The following DERA variants were observed in gnomAD, a reference collection of about 807,000 sequenced individuals.
DERA encodes 2-deoxy-D-ribose 5-phosphate aldolase.
In DERA, 15 loss-of-function variants were observed where a neutral mutation model predicts 41.1. The ratio of observed to expected loss-of-function variants is 0.37; its 90% CI spans 0.24 to 0.56. DERA has a LOEUF of 0.56. Among genes scored for constraint, DERA ranks in the 20% least tolerant of loss-of-function variants. The probability of loss-of-function intolerance (pLI) is 0.81; values close to 1 mark genes in which losing one functional copy is unlikely to be tolerated. For missense variants in DERA, 396 were observed against 403.4 expected (o/e 0.98, Z 0.16); for synonymous variants, 139 against 137.4 (o/e 1.01, Z -0.08).
chr12:15,927,858 T>G (rs1948298955), intron 1 of DERA, among the ~76,000 whole-genome samples: 1 of 152,110 alleles, frequency 6.6e-6, no homozygotes, highest in South Asian at 2.1e-4. Flanking sequence ...TATAATGAGA[T>G]TACACGGATG....
At chr12:15,974,438 T>C (rs1948684305) in intron 5 of DERA, among the ~76,000 whole-genome samples, 1 of 152,098 alleles carries the variant, frequency 6.6e-6, no homozygotes, top group Non-Finnish European at 1.5e-5. Flanking sequence ...TATACCTCAG[T>C]TTGGGTTTGT....
In DERA at chr12:16,013,354, A is replaced by G. The variant is rs1948959116; in HGVS notation, c.638-19188A>G. 6.6e-6 allele frequency among the ~76,000 whole-genome samples: 1 copy of G among 152,148 alleles called. No homozygotes were observed. Among genetic ancestry groups the G allele is most frequent in the Non-Finnish European group, 1.5e-5 (1 of 68,034 alleles). ...GTTAAAGGTGAGACCAGGTGGAGGT[A>G]ATTGAATCATGAGGGCAGTTTCCCC... On this transcript the variant is annotated intron_variant, in intron 6 of 8. Transcript: ENST00000428559. The surrounding 1 kb of genome is among the most constrained non-coding windows in gnomAD (Gnocchi z 5.8).
intron 5 of DERA, among the ~76,000 whole-genome samples, chr12:15,969,265 A>G (rs911395733): frequency 6.6e-6 from 1 of 152,146 alleles, no homozygotes; most frequent in African/African-American, 2.4e-5. Flanking sequence ...AGAGGTGTTC[A>G]TTTTACTTTT....
chr12:15,916,500 G>T (rs1948200939), intron 1 of DERA, among the ~76,000 whole-genome samples: 1 of 148,542 alleles, frequency 6.7e-6, no homozygotes, highest in Non-Finnish European at 1.5e-5. Flanking sequence ...ACCCAGGCTG[G>T]AGTGCAGTGG....
At chr12:16,025,907 G>A (rs1168782516) in intron 6 of DERA, among the ~76,000 whole-genome samples, 1 of 152,082 alleles carries the variant, frequency 6.6e-6, no homozygotes, top group African/African-American at 2.4e-5. Flanking sequence ...TTAGCTGAAA[G>A]ATCCCCAAAT....
chr12:15,947,573 C>G (rs958912123), intron 1 of DERA, among the ~76,000 whole-genome samples: 2 of 152,298 alleles, frequency 1.3e-5, no homozygotes, highest in African/African-American at 2.4e-5. Flanking sequence ...AGATCTTCCT[C>G]CATCCCTTTA....
chr12:15,981,360 A>C lies in DERA; in HGVS notation c.509-948A>C, dbSNP rs543071163. ...AAGACTCCATCTCAAAAACCAAAAA[A>C]CAAAAAACAAAAAAACCTACTTCCT... On this transcript the variant is annotated intron_variant, in intron 5 of 8. Transcript: ENST00000428559. This position sits in a 1 kb window ranked among gnomAD's most constrained non-coding sequence, Gnocchi z 6.1. Among the ~76,000 whole-genome samples the C allele has an allele frequency of 5.4e-4, 82 of 152,224 alleles. 1 individual carries two copies. Among genetic ancestry groups the C allele is most frequent in the Non-Finnish European group, 9.6e-4 (65 of 68,014 alleles).
chr12:15,948,658 C>G (rs975746885), intron 1 of DERA, among the ~76,000 whole-genome samples: 3 of 152,162 alleles, frequency 2.0e-5, no homozygotes, highest in Non-Finnish European at 4.4e-5. Flanking sequence ...CCTCTTTTAG[C>G]TCGGAGTAGT....
At position 16,013,696 on chromosome 12, in the gene DERA, A is replaced by G. The variant is rs1470062796; in HGVS notation, c.638-18846A>G. On this transcript the variant is annotated intron_variant, in intron 6 of 8. Coordinates refer to ENST00000428559, the MANE Select transcript of DERA (RefSeq NM_015954.4). The surrounding 1 kb of genome is among the most constrained non-coding windows in gnomAD (Gnocchi z 5.8). Reference sequence around the variant, plus strand: ...AAGGATACCCGAAAATGCGGAAGCAACTTTGGAACTGGTTAACAGGAAGAG... The same window carrying G: ...AAGGATACCCGAAAATGCGGAAGCAGCTTTGGAACTGGTTAACAGGAAGAG... 1.3e-5 allele frequency among the ~76,000 whole-genome samples: 2 copies of G among 152,240 alleles called. No homozygotes were observed. The highest frequency in any genetic ancestry group is 4.8e-5 in the African/African-American group (2 of 41,458).
intron 1 of DERA, among the ~76,000 whole-genome samples, chr12:15,923,379 T>G (rs1948260023): frequency 6.6e-6 from 1 of 152,164 alleles, no homozygotes; most frequent in African/African-American, 2.4e-5. Flanking sequence ...GTTCTGAACT[T>G]CATTGAGTCT....
Position 16,026,211 on chromosome 12 carries a change from A to C in DERA, c.638-6331A>C, listed in dbSNP as rs1403887457. On this transcript the variant is annotated intron_variant, in intron 6 of 8. Transcript: ENST00000428559. This position sits in a 1 kb window ranked among gnomAD's most constrained non-coding sequence, Gnocchi z 4.4. The stretch of plus-strand genomic sequence containing the variant: ...AGAAATGATGAAATTGAAAACAAAA[A>C]CAACAGAGAAATTTTTTTTTTTAAA... Among the ~76,000 whole-genome samples the C allele has an allele frequency of 1.3e-5, 2 of 151,968 alleles. No homozygotes were observed. Among genetic ancestry groups the C allele is most frequent in the African/African-American group, 4.8e-5 (2 of 41,424 alleles).
At position 15,988,875 on chromosome 12, in the gene DERA, T is replaced by C. The variant is rs1424812430; in HGVS notation, c.637+6439T>C. On this transcript the variant is annotated intron_variant, in intron 6 of 8. Coordinates refer to ENST00000428559, the MANE Select transcript of DERA (RefSeq NM_015954.4). This position sits in a 1 kb window ranked among gnomAD's most constrained non-coding sequence, Gnocchi z 6.0. ...CCCCTTGGCCTTTCTCCTATGCTTG[T>C]TGTCGCCCAAAGTCCAGAGGGGGCC... Among the ~76,000 whole-genome samples the C allele has an allele frequency of 1.3e-5, 2 of 152,198 alleles. No homozygotes were observed. Among genetic ancestry groups the C allele is most frequent in the Non-Finnish European group, 2.9e-5 (2 of 68,026 alleles).
At chr12:15,945,322 G>A (rs1305662619) in intron 1 of DERA, among the ~76,000 whole-genome samples, 2 of 152,184 alleles carry the variant, frequency 1.3e-5, no homozygotes, top group African/African-American at 4.8e-5. Context: ...ACCTTGGGCA[G>A]TATGGCCATT....
intron 6 of DERA, among the ~76,000 whole-genome samples, chr12:16,022,892 CCAAAGAAGGTCCCTTCTTGGCT>C (rs1949025823): frequency 1.3e-5 from 2 of 152,086 alleles, no homozygotes; most frequent in African/African-American, 4.8e-5. Context: ...CAGTGAAGAG[CCAAAGAAGGTCCCTTCTTGGCT>C]CTGGCAGGAG....
At chr12:15,944,973 T>G (rs1234851775) in intron 1 of DERA, among the ~76,000 whole-genome samples, 1 of 152,242 alleles carries the variant, frequency 6.6e-6, no homozygotes, top group African/African-American at 2.4e-5. Context: ...CCAGCATCAT[T>G]TGTTAAATAG....
chr12:15,914,520 G>A (rs956333520), intron 1 of DERA, among the ~76,000 whole-genome samples: 1 of 152,128 alleles, frequency 6.6e-6, no homozygotes, highest in Non-Finnish European at 1.5e-5. Flanking sequence ...ATGCTGTGAA[G>A]CTTGGCACCT....
At chr12:15,986,099 C>T (rs1948762463) in intron 6 of DERA, among the ~76,000 whole-genome samples, 1 of 152,062 alleles carries the variant, frequency 6.6e-6, no homozygotes, top group Admixed American at 6.6e-5. Flanking sequence ...TATGAAACGT[C>T]CCTTTTTATC....
rs757217544 is a variant in DERA at position 15,954,486 on chromosome 12, C to T, written c.32-2450C>T. ...AGAGAAGGTGACATTTGAATCGACT[C>T]TTAAAGGATGAGCAGCAGTTCACTG... On this transcript the variant is annotated intron_variant, in intron 1 of 8. Transcript: ENST00000428559. This position sits in a 1 kb window ranked among gnomAD's most constrained non-coding sequence, Gnocchi z 4.0. Among the ~76,000 whole-genome samples the T allele has an allele frequency of 6.6e-6, 1 of 152,150 alleles. No individual in the cohort carries two copies. Among genetic ancestry groups the T allele is most frequent in the Non-Finnish European group, 1.5e-5 (1 of 68,026 alleles).
chr12:16,002,580 G>T (rs1948882968), intron 6 of DERA, among the ~76,000 whole-genome samples: 1 of 151,902 alleles, frequency 6.6e-6, no homozygotes, highest in African/African-American at 2.4e-5. Flanking sequence ...TCCTCATGTG[G>T]TTACCATTTT....
Sources: allele counts gnomAD v4.1 joint callset (sites outside exome capture counted in the v4.1 genomes callset), GRCh38; gene constraint gnomAD v4.1.1; non-coding constraint Gnocchi (gnomAD v3.1); transcripts MANE v1.5; gene names NCBI Gene and HGNC (gene_info 2026-07-23, HGNC 2026-07-21).